The following FOLR2 variants were observed in gnomAD, a reference collection of about 807,000 sequenced individuals.
FOLR2 encodes folate receptor 2 (fetal).
FOLR2 carries 14 observed loss-of-function variants against 20.4 expected under a neutral mutation model. The ratio of observed to expected loss-of-function variants is 0.68; its 90% confidence interval spans 0.45 to 1.07. The LOEUF is 1.07. FOLR2 is among the 50% of genes least tolerant of loss of function. The probability of loss-of-function intolerance (pLI) is 0.00; values close to 1 mark genes in which losing one functional copy is unlikely to be tolerated. For missense variants in FOLR2, 269 were observed against 322.6 expected (o/e 0.83, Z 1.27); for synonymous variants, 114 against 114.3 (o/e 1.00, Z 0.02).
chr11:72,221,172 C>G lies in FOLR2; in HGVS notation c.340-4C>G. On this transcript the variant is annotated splice_region_variant and splice_polypyrimidine_tract_variant and intron_variant, in intron 3 of 4. Coordinates refer to ENST00000298223, the MANE Select transcript of FOLR2 (RefSeq NM_000803.5). ...GGAGCCCTGCCTCCCCACCTCCCAC[C>G]CAGGTGAATCAGAGCTGGCGCAAAG... 2 of 1,611,564 alleles carry G rather than the reference C, an allele frequency of 1.2e-6. No homozygotes were observed. The highest frequency in any genetic ancestry group is 1.7e-6 in the Non-Finnish European group (2 of 1,178,988).
intron 2 of FOLR2, 37 bp from the exon 3 acceptor site, chr11:72,220,833 A>G (rs775664750): frequency 1.9e-6 from 3 of 1,612,594 alleles, no homozygotes; most frequent in Non-Finnish European, 2.5e-6. Context: ...GGAGGAGGGT[A>G]TGGGGAGGCA....
chr11:72,217,294 A>T (rs779189450), intron 1 of FOLR2: 28 of 1,099,840 alleles, frequency 2.5e-5, no homozygotes, highest in Non-Finnish European at 3.3e-5. Flanking sequence ...AAGTGCTGGG[A>T]TTACAGGCGT....
chr11:72,221,237 A>T lies in FOLR2; in HGVS notation c.401A>T (p.Gln134Leu). 6.2e-7 allele frequency: 1 copy of T among 1,613,872 alleles called. No homozygotes were observed. Among genetic ancestry groups the T allele is most frequent in the Non-Finnish European group, 8.5e-7 (1 of 1,179,844 alleles). ...LDVPLCKEDC[Q>L]RWWEDCHTSH... ...GTGCCCTTATGCAAAGAGGACTGTC[A>T]GCGCTGGTGGGAGGATTGTCACACC... Residue 134 changes from glutamine to leucine, a missense_variant, in exon 4 of 5, where the codon CAG becomes CTG. Physicochemically the swap from Gln to Leu is moderately radical, Grantham distance 113 (BLOSUM62 -2). Coordinates refer to ENST00000298223, the MANE Select transcript of FOLR2 (RefSeq NM_000803.5).
At chr11:72,220,772 C>A in intron 2 of FOLR2, 98 bp from the exon 3 acceptor site, 1 of 1,495,514 alleles carries the variant, frequency 6.7e-7, no homozygotes, top group East Asian at 2.4e-5. Context: ...GACAACCTGC[C>A]TAGGGCAGAG....
At chr11:72,217,282 C>A in intron 1 of FOLR2, 1 of 1,009,324 alleles carries the variant, frequency 9.9e-7, no homozygotes, top group Non-Finnish European at 1.4e-6. Flanking sequence ...CTCGGCCTCC[C>A]AAAGTGCTGG....
At position 72,218,734 on chromosome 11, in the gene FOLR2, A is replaced by C; in HGVS notation, c.150A>C (p.Gln50His). ...GTCCTGAGGACAAGCTGCATGACCAAGTACGGCTGGAGTGTGCCTCTGCTA... is the reference window on the plus strand; with the variant it reads ...GTCCTGAGGACAAGCTGCATGACCACGTACGGCTGGAGTGTGCCTCTGCTA... ...KPGPEDKLHDQCSPWKKNACC... is the reference protein window; with the variant it reads ...KPGPEDKLHDHCSPWKKNACC... Residue 50 changes from glutamine to histidine, a missense_variant and splice_region_variant, in exon 2 of 5, where the codon CAA becomes CAC. Transcript: ENST00000298223. 6.2e-7 allele frequency: 1 copy of C among 1,609,944 alleles called. No homozygotes were observed. Among genetic ancestry groups the C allele is most frequent in the Non-Finnish European group, 8.5e-7 (1 of 1,177,898 alleles).
intron 3 of FOLR2, 39 bp from the exon 4 acceptor site, chr11:72,221,137 C>A: frequency 1.3e-6 from 2 of 1,599,072 alleles, no homozygotes; most frequent in East Asian, 4.5e-5. Flanking sequence ...GCCAGCATCC[C>A]TGGCTGAGAG....
chr11:72,221,084 C>G, intron 3 of FOLR2, 26 bp downstream of exon 3: 1 of 1,552,040 alleles, frequency 6.4e-7, no homozygotes, highest in Non-Finnish European at 8.7e-7. Context: ...CCCACCCACC[C>G]CAGCAGACTG....
At position 72,221,317 on chromosome 11, in the gene FOLR2, G is replaced by A; in HGVS notation, c.475+6G>A. 1 of 1,612,956 alleles carries A rather than the reference G, an allele frequency of 6.2e-7. No individual in the cohort carries two copies. The highest frequency in any genetic ancestry group is 8.5e-7 in the Non-Finnish European group (1 of 1,179,180). ...AGGATGGGACTGGACCTCAGGTGAG[G>A]GTGATTGAGTTGGGGTTAGGAAAAA... On this transcript the variant is annotated splice_donor_region_variant and intron_variant, in intron 4 of 4. Transcript: ENST00000298223.
rs780974334 is a variant in FOLR2, at chr11:72,221,181, T to A, written c.345T>A (p.Asn115Lys). The A allele has an allele frequency of 3.1e-6, 5 of 1,609,968 alleles. No homozygotes were observed. The African/African-American group carries it at 5.4e-5, about 17-fold the overall frequency. Reference sequence around the variant, plus strand: ...CCTCCCCACCTCCCACCCAGGTGAATCAGAGCTGGCGCAAAGAACGCTTCC... The same window carrying A: ...CCTCCCCACCTCCCACCCAGGTGAAACAGAGCTGGCGCAAAGAACGCTTCC... ...PNLGPWIQQV[N>K]QSWRKERFLD... Residue 115 changes from asparagine to lysine, a missense_variant, in exon 4 of 5, where the codon AAT becomes AAA. Physicochemically the swap from Asn to Lys is moderately conservative, Grantham distance 94. Coordinates refer to ENST00000298223, the MANE Select transcript of FOLR2 (RefSeq NM_000803.5).
At chr11:72,217,032 T>C in intron 1 of FOLR2, 107 bp downstream of exon 1, 1 of 1,269,828 alleles carries the variant, frequency 7.9e-7, no homozygotes, top group Non-Finnish European at 1.1e-6. Flanking sequence ...TTGTATTGTA[T>C]TGTATTTTTT....
At chr11:72,219,354 AT>A (rs1039683944) in intron 2 of FOLR2, among the ~76,000 whole-genome samples, 12 of 151,820 alleles carry the variant, frequency 7.9e-5, no homozygotes, top group East Asian at 1.9e-4. Flanking sequence ...TTTATGACAG[AT>A]TTTTTTTTAG....
In FOLR2 at chr11:72,221,740, T is replaced by TG. The variant is rs1252220985; in HGVS notation, c.747dup (p.Gln250AlafsTer35). 1 of 1,613,682 alleles carries TG rather than the reference T, an allele frequency of 6.2e-7. No homozygotes were observed. Among genetic ancestry groups the TG allele is most frequent in the East Asian group, 2.2e-5 (1 of 44,876 alleles). On this transcript the variant is annotated frameshift_variant, in exon 5 of 5. Transcript: ENST00000298223. LOFTEE classifies it high-confidence loss of function. ...CTCCTGCTCAGTCTGGCCCTGATGC[T>TG]GCAACTCTGGCTCCTTGGCTGAGTT...
intron 1 of FOLR2, chr11:72,217,517 T>G: frequency 9.1e-6 from 6 of 657,312 alleles, no homozygotes; most frequent in African/African-American, 1.9e-5. Context: ...GGAACAGCTC[T>G]GTAATGGCTG....
intron 2 of FOLR2, among the ~76,000 whole-genome samples, chr11:72,219,134 G>A (rs989787486): frequency 6.6e-6 from 1 of 152,202 alleles, no homozygotes; most frequent in African/African-American, 2.4e-5. Flanking sequence ...GGTAGGAATA[G>A]GAGTGGGTTA....
chr11:72,218,016 C>T (rs1168251431), intron 1 of FOLR2, among the ~76,000 whole-genome samples: 1 of 152,140 alleles, frequency 6.6e-6, no homozygotes, highest in Non-Finnish European at 1.5e-5. Flanking sequence ...ACTGCTCTTT[C>T]CATTTCCGTA....
chr11:72,218,546 G>A lies in FOLR2; in HGVS notation c.-24-15G>A. Reference sequence around the variant, plus strand: ...TGGAGCCCTTTCCCCTCAGGACTTGGTTTCCCTACCCTAGCTCCGCCTGCA... The same window carrying A: ...TGGAGCCCTTTCCCCTCAGGACTTGATTTCCCTACCCTAGCTCCGCCTGCA... On this transcript the variant is annotated splice_polypyrimidine_tract_variant and intron_variant, in intron 1 of 4. Coordinates refer to ENST00000298223, the MANE Select transcript of FOLR2 (RefSeq NM_000803.5). 6.2e-7 allele frequency: 1 copy of A among 1,602,370 alleles called. No homozygotes were observed. The highest frequency in any genetic ancestry group is 1.3e-5 in the African/African-American group (1 of 74,842).
chr11:72,219,386 A>G (rs998051437), intron 2 of FOLR2, among the ~76,000 whole-genome samples: 1 of 152,180 alleles, frequency 6.6e-6, no homozygotes. Flanking sequence ...CTATCCTGCA[A>G]TGAAATTCAA....
intron 2 of FOLR2, among the ~76,000 whole-genome samples, chr11:72,218,950 C>A (rs1948439491): frequency 6.6e-6 from 1 of 152,226 alleles, no homozygotes; most frequent in Admixed American, 6.5e-5. Context: ...ATTGAGTCGT[C>A]ATTCGATGGG....
Sources: allele counts gnomAD v4.1 joint callset (sites outside exome capture counted in the v4.1 genomes callset), GRCh38; gene constraint gnomAD v4.1.1; transcripts MANE v1.5; gene names NCBI Gene and HGNC (gene_info 2026-07-23, HGNC 2026-07-21).